Variants in IGF2R observed in about 807,000 individuals in gnomAD.
The protein encoded by IGF2R is insulin like growth factor 2 receptor.
IGF2R carries 91 observed loss-of-function variants against 270.6 expected under a neutral mutation model. That is an observed-to-expected ratio of 0.34 (90% CI 0.28 to 0.40). IGF2R has a LOEUF of 0.40. IGF2R is among the 10% of genes least tolerant of loss of function. IGF2R has a pLI of 1.00. For synonymous variants in IGF2R, 1,316 were observed against 1,258.9 expected, an observed-to-expected ratio of 1.05 and a Z score of -0.96; for missense variants, 2,805 against 3,188.3, an observed-to-expected ratio of 0.88 and a Z score of 2.90.
chr6:160,092,671 C>G (rs1054785899), intron 44 of IGF2R, among the ~76,000 whole-genome samples: 3 of 152,220 alleles, frequency 2.0e-5, no homozygotes, highest in African/African-American at 4.8e-5. Flanking sequence ...CGGTTTGCTT[C>G]CCCACATCAG....
intron 44 of IGF2R, among the ~76,000 whole-genome samples, chr6:160,091,117 G>A (rs1261774211): frequency 1.5e-5 from 2 of 133,660 alleles, no homozygotes; most frequent in Non-Finnish European, 1.6e-5. Flanking sequence ...TGAGCACATC[G>A]CCGAGAAGGA....
intron 42 of IGF2R, among the ~76,000 whole-genome samples, chr6:160,088,732 A>G (rs1779149349): frequency 6.6e-6 from 1 of 152,190 alleles, no homozygotes; most frequent in African/African-American, 2.4e-5. Flanking sequence ...AAATCTAAAA[A>G]TCTAGGAGCA....
At chr6:160,053,730 T>A (rs928962171) in intron 19 of IGF2R, among the ~76,000 whole-genome samples, 1 of 152,166 alleles carries the variant, frequency 6.6e-6, no homozygotes, top group African/African-American at 2.4e-5. Flanking sequence ...TTTTACAGGG[T>A]CTTGCTGTGT....
chr6:160,097,040 T>G (rs1779377194), intron 45 of IGF2R, among the ~76,000 whole-genome samples: 1 of 152,224 alleles, frequency 6.6e-6, no homozygotes, highest in African/African-American at 2.4e-5. Flanking sequence ...ATACAAATGA[T>G]TGTTTGGTAA....
chr6:160,033,529 C>T (rs1424293425), intron 9 of IGF2R, among the ~76,000 whole-genome samples: 1 of 152,260 alleles, frequency 6.6e-6, no homozygotes, highest in Non-Finnish European at 1.5e-5. Flanking sequence ...ACGGGAGAAT[C>T]AGTTACTCCA....
At chr6:160,018,440 C>T (rs1400121553) in intron 4 of IGF2R, among the ~76,000 whole-genome samples, 5 of 152,018 alleles carry the variant, frequency 3.3e-5, no homozygotes, top group Admixed American at 1.3e-4. Context: ...TCAACAAACA[C>T]GGCACATAAA....
intron 22 of IGF2R, 116 bp downstream of exon 22, chr6:160,059,214 G>A: frequency 1.2e-6 from 1 of 810,514 alleles, no homozygotes; most frequent in Non-Finnish European, 1.9e-6. Context: ...GGGCTGTGCT[G>A]TCCACCTTGC....
In IGF2R at chr6:160,093,767, CTA is replaced by C. The variant is rs1779284074; in HGVS notation, c.6656-2668_6656-2667del. 13 of 749,862 alleles carry C rather than the reference CTA, an allele frequency of 1.7e-5. No homozygotes were observed. The South Asian group carries it at 1.8e-4, about 10-fold the overall frequency. The allele number at this position is 749,862 out of a possible 1,614,324, so 46.5% of individuals were successfully genotyped here. A position where few individuals can be genotyped will look rare whatever the true frequency, so the allele number is the denominator to read the frequency against. On this transcript the variant is annotated intron_variant, in intron 44 of 47. Transcript: ENST00000356956. ...CAACAAACTGCAGTTTGCTTTTCGACTATATGATTTGGATAAAGATAACAAGA... is the reference window on the plus strand; with the variant it reads ...CAACAAACTGCAGTTTGCTTTTCGACTATGATTTGGATAAAGATAACAAGA...
At position 160,010,710 on chromosome 6, in the gene IGF2R, A is replaced by C; in HGVS notation, c.438A>C (p.Ala146=). 1 of 1,609,796 alleles carries C rather than the reference A, an allele frequency of 6.2e-7. No individual in the cohort carries two copies. The highest frequency in any genetic ancestry group is 1.1e-5 in the South Asian group (1 of 90,934). ...KTLGTPEFVT[A]TECVHYFEWR... ...AGGGAACTCCTGAATTTGTAACTGC[A>C]ACAGAATGTGTGCACTACTTTGAGT... Residue 146 remains alanine, a synonymous_variant, in exon 4 of 48, where the codon GCA becomes GCC. Coordinates refer to ENST00000356956, the MANE Select transcript of IGF2R (RefSeq NM_000876.4).
chr6:159,971,879 G>A (rs1482459251), intron 1 of IGF2R, among the ~76,000 whole-genome samples: 2 of 152,140 alleles, frequency 1.3e-5, no homozygotes, highest in African/African-American at 2.4e-5. Flanking sequence ...CTGGCCTCAA[G>A]CTCCTATCCT....
chr6:159,980,240 G>GA (rs1562330732), intron 1 of IGF2R, among the ~76,000 whole-genome samples: 4 of 106,820 alleles, frequency 3.7e-5, no homozygotes, highest in African/African-American at 1.3e-4. Context: ...AGAAAGAAAG[G>GA]TACATGGAAG....
At position 160,080,148 on chromosome 6, in the gene IGF2R, C is replaced by A. The variant is rs751912885; in HGVS notation, c.5706C>A (p.Pro1902=). Residue 1902 remains proline, a synonymous_variant, in exon 39 of 48, where the codon CCC becomes CCA. Transcript: ENST00000356956. ...RCPPETDDGV[P]CVFPFIFNGK... ...TTCCAGAAACCGATGACGGCGTCCCCTGTGTCTTCCCCTTCATATTCAATG... is the reference window on the plus strand; with the variant it reads ...TTCCAGAAACCGATGACGGCGTCCCATGTGTCTTCCCCTTCATATTCAATG... 6.2e-7 allele frequency: 1 copy of A among 1,614,200 alleles called. No homozygotes were observed. Among genetic ancestry groups the A allele is most frequent in the South Asian group, 1.1e-5 (1 of 91,080 alleles).
chr6:160,007,950 C>T (rs1784271015), intron 2 of IGF2R, among the ~76,000 whole-genome samples: 1 of 152,188 alleles, frequency 6.6e-6, no homozygotes, highest in Non-Finnish European at 1.5e-5. Flanking sequence ...TTGATGTTTA[C>T]ATCTTTAATC....
rs1783565679 is a variant in IGF2R at position 159,969,152 on chromosome 6, C to G, written c.-95C>G. The G allele has an allele frequency of 1.4e-6, 1 of 729,858 alleles. No homozygotes were observed. The highest frequency in any genetic ancestry group is 6.1e-5 in the South Asian group (1 of 16,370). The allele number at this position is 729,858 out of a possible 1,614,324, so 45.2% of individuals were successfully genotyped here. On this transcript the variant is annotated 5_prime_UTR_variant, in exon 1 of 48. Coordinates refer to ENST00000356956, the MANE Select transcript of IGF2R (RefSeq NM_000876.4). ...GGCTCCCGCTCCGTCTCCACCTCCG[C>G]CTTTGCCCTGGCGGCGCGACCCCGT...
intron 19 of IGF2R, among the ~76,000 whole-genome samples, chr6:160,052,841 C>T (rs989239403): frequency 2.0e-5 from 3 of 152,138 alleles, no homozygotes; most frequent in Non-Finnish European, 4.4e-5. Context: ...GAAAGGATTC[C>T]CTATTTAATA....
chr6:160,052,171 C>T (rs952627771), intron 19 of IGF2R, among the ~76,000 whole-genome samples: 2 of 152,184 alleles, frequency 1.3e-5, no homozygotes, highest in African/African-American at 4.8e-5. Context: ...TACTATACTG[C>T]AGCCCCTTGG....
chr6:160,079,590 A>G lies in IGF2R; in HGVS notation c.5489A>G (p.Asp1830Gly). The change falls in exon 38 of 48, where the codon GAC (aspartate) becomes GGC (glycine). Residue 1830 changes from aspartate to glycine, a missense_variant. Around this residue, in one of 2 missense-constraint regions of IGF2R, gnomAD observed 1,851 missense variants for 2,207.2 expected, o/e 0.84. Coordinates refer to ENST00000356956, the MANE Select transcript of IGF2R (RefSeq NM_000876.4). ...ATGGTTTTTGTCCAGGTGACTCGCG[A>G]CTCGCGCACCTACAGCGTTGGGGTG... ...LSTSTFKVTRDSRTYSVGVCT... is the reference protein window; with the variant it reads ...LSTSTFKVTRGSRTYSVGVCT... 2.8e-6 allele frequency: 4 copies of G among 1,436,792 alleles called. No individual in the cohort carries two copies. The highest frequency in any genetic ancestry group is 3.7e-6 in the Non-Finnish European group (4 of 1,088,942). 89.0% of individuals were successfully genotyped at this position (1,436,792 alleles called of 1,614,324 possible). A position where few individuals can be genotyped will look rare whatever the true frequency, so the allele number is the denominator to read the frequency against.
chr6:160,047,319 G>C lies in IGF2R; in HGVS notation c.2212G>C (p.Gly738Arg). 1 of 1,597,080 alleles carries C rather than the reference G, an allele frequency of 6.3e-7. No individual in the cohort carries two copies. Among genetic ancestry groups the C allele is most frequent in the African/African-American group, 1.3e-5 (1 of 74,362 alleles). The part of the protein sequence containing the change: ...TFLCDRDAGV[G>R]FPEYQEEDNS... The stretch of plus-strand genomic sequence containing the variant: ...TCTCTGTGATCGAGACGCGGGAGTG[G>C]GCTTCCCTGAATATCAGGTAGGAAT... Residue 738 changes from glycine to arginine, a missense_variant, in exon 16 of 48, where the codon GGC (glycine) becomes CGC (arginine). Physicochemically the swap from Gly to Arg is moderately radical, Grantham distance 125. Around this residue, in one of 2 missense-constraint regions of IGF2R, gnomAD observed 954 missense variants for 981.1 expected, o/e 0.97. Coordinates refer to ENST00000356956, the MANE Select transcript of IGF2R (RefSeq NM_000876.4).
chr6:159,984,884 AG>A (rs1207360196), intron 1 of IGF2R, among the ~76,000 whole-genome samples: 1 of 152,188 alleles, frequency 6.6e-6, no homozygotes, highest in African/African-American at 2.4e-5. Flanking sequence ...CTTTTATTAC[AG>A]TTATAATTGT....
Sources: gnomAD v4.1 joint callset for allele counts (sites outside exome capture counted in the v4.1 genomes callset) on GRCh38, gnomAD v4.1.1 for gene constraint, gnomAD v4.1.1 regional missense constraint, MANE v1.5 for transcripts, NCBI Gene and HGNC (gene_info 2026-07-23, HGNC 2026-07-21) for gene names.